Variants in SIPA1L3 observed in about 807,000 individuals in gnomAD.
SIPA1L3 encodes the protein signal induced proliferation associated 1 like 3.
In SIPA1L3, 59 loss-of-function variants were observed where a neutral mutation model predicts 150.1. The observed-to-expected ratio is 0.39, with a 90% confidence interval of 0.32 to 0.49. The LOEUF (loss-of-function observed/expected upper bound fraction) is 0.49. SIPA1L3 is among the 20% of genes least tolerant of loss of function. The probability of loss-of-function intolerance (pLI) is 0.86; values close to 1 mark genes in which losing one functional copy is unlikely to be tolerated. For synonymous variants in SIPA1L3, 1,070 were observed against 1,077.6 expected, an observed-to-expected ratio of 0.99 and a Z score of 0.14; for missense variants, 2,211 against 2,489.5, an observed-to-expected ratio of 0.89 and a Z score of 2.38.
At chr19:38,141,580 T>G in intron 11 of SIPA1L3, 145 bp downstream of exon 11, 1 of 874,660 alleles carries the variant, frequency 1.1e-6, no homozygotes, top group Non-Finnish European at 1.7e-6. Context: ...GTCTCCCTTG[T>G]TCCTCCCTCC....
At chr19:38,117,600 C>T (rs1416877330) in intron 8 of SIPA1L3, among the ~76,000 whole-genome samples, 2 of 150,102 alleles carry the variant, frequency 1.3e-5, no homozygotes, top group Admixed American at 1.3e-4. Flanking sequence ...GCCTGAGCTA[C>T]AGAGTGATAC....
intron 9 of SIPA1L3, among the ~76,000 whole-genome samples, chr19:38,123,255 T>G: frequency 6.7e-6 from 1 of 149,232 alleles, no homozygotes; most frequent in East Asian, 2.0e-4. Flanking sequence ...GTTTTGGAGT[T>G]TTTTTTTTGT....
At chr19:37,953,531 CAT>C (rs200616336) in intron 1 of SIPA1L3, among the ~76,000 whole-genome samples, 55 of 105,566 alleles carry the variant, frequency 5.2e-4, no homozygotes, top group Non-Finnish European at 6.8e-4. Context: ...ATGCATTCCT[CAT>C]GTGTGTGTGT....
chr19:38,195,021 A>C (rs1260634716), intron 18 of SIPA1L3, among the ~76,000 whole-genome samples: 1 of 151,878 alleles, frequency 6.6e-6, no homozygotes, highest in African/African-American at 2.4e-5. Context: ...ACTGCACTCC[A>C]GCCTGGGTGA....
intron 1 of SIPA1L3, among the ~76,000 whole-genome samples, chr19:38,005,645 G>A (rs1967922836): frequency 6.6e-6 from 1 of 152,184 alleles, no homozygotes; most frequent in African/African-American, 2.4e-5. Context: ...ATAAAGGCAG[G>A]AACCAAATCT....
At chr19:38,092,798 G>C (rs1425459821) in intron 4 of SIPA1L3, among the ~76,000 whole-genome samples, 2 of 152,106 alleles carry the variant, frequency 1.3e-5, no homozygotes, top group Admixed American at 1.3e-4. Flanking sequence ...GCTTCCCATG[G>C]TGACAAGGTG....
At chr19:38,172,154 G>C (rs1972341566) in intron 15 of SIPA1L3, among the ~76,000 whole-genome samples, 1 of 152,192 alleles carries the variant, frequency 6.6e-6, no homozygotes, top group South Asian at 2.1e-4. Flanking sequence ...AAGCAACTGT[G>C]GATGTGGCAG....
intron 16 of SIPA1L3, among the ~76,000 whole-genome samples, chr19:38,188,635 C>T (rs914199275): frequency 1.3e-5 from 2 of 151,974 alleles, no homozygotes; most frequent in African/African-American, 4.8e-5. Flanking sequence ...AGAAAGTAAG[C>T]CTCTCGGCCA....
Position 37,932,911 on chromosome 19 carries a change from G to A in SIPA1L3, c.-379+25553G>A, listed in dbSNP as rs1168322194. On this transcript the variant is annotated intron_variant, in intron 1 of 21. Coordinates refer to ENST00000222345, the MANE Select transcript of SIPA1L3 (RefSeq NM_015073.3). ...GACATTTCTCCCAAGAGAAGGAATC[G>A]GTGACTCTTTTAGTGAGTTGAGCTC... 4.6e-5 allele frequency among the ~76,000 whole-genome samples: 7 copies of A among 151,996 alleles called. No homozygotes were observed. The South Asian group carries it at 1.2e-3, about 27-fold the overall frequency.
chr19:37,913,417 T>C (rs2046391674), intron 1 of SIPA1L3, among the ~76,000 whole-genome samples: 1 of 152,162 alleles, frequency 6.6e-6, no homozygotes, highest in African/African-American at 2.4e-5. Context: ...CATTTCACTT[T>C]GTGTTTTTGA....
At chr19:37,991,567 T>C (rs1165217147) in intron 1 of SIPA1L3, among the ~76,000 whole-genome samples, 3 of 152,238 alleles carry the variant, frequency 2.0e-5, no homozygotes, top group Non-Finnish European at 4.4e-5. Flanking sequence ...AGCCCTGGGC[T>C]GGCTTATGTA....
intron 16 of SIPA1L3, among the ~76,000 whole-genome samples, chr19:38,188,040 T>G (rs1467990437): frequency 6.6e-6 from 1 of 152,126 alleles, no homozygotes; most frequent in Non-Finnish European, 1.5e-5. Context: ...TTAGAATTAT[T>G]ATTTTTGTTC....
intron 13 of SIPA1L3, among the ~76,000 whole-genome samples, chr19:38,159,135 C>T (rs1972017303): frequency 6.6e-6 from 1 of 152,226 alleles, no homozygotes; most frequent in Non-Finnish European, 1.5e-5. Context: ...AGGCCAGCCT[C>T]CCCACTTTCT....
In SIPA1L3 at chr19:38,182,543, C is replaced by T. The variant is rs148570377; in HGVS notation, c.4233C>T (p.Tyr1411=). The T allele has an allele frequency of 1.2e-4, 197 of 1,612,342 alleles. 3 individuals carry two copies. Among genetic ancestry groups the T allele is most frequent in the Non-Finnish European group, 1.3e-4 (153 of 1,179,084 alleles). The part of the protein sequence containing the change: ...QPSDMGSRVG[Y]PAQVYKTASA... ...GTGACATGGGCTCGAGGGTTGGCTA[C>T]CCCGCTCAGGTTTACAAAACTGCCA... Residue 1411 remains tyrosine, a synonymous_variant, in exon 16 of 22, where the codon TAC becomes TAT. Coordinates refer to ENST00000222345, the MANE Select transcript of SIPA1L3 (RefSeq NM_015073.3).
intron 18 of SIPA1L3, among the ~76,000 whole-genome samples, chr19:38,195,008 G>A (rs1213056112): frequency 6.6e-6 from 1 of 151,734 alleles, no homozygotes; most frequent in East Asian, 1.9e-4. Flanking sequence ...CTGAGATCAA[G>A]CCACTGCACT....
intron 1 of SIPA1L3, among the ~76,000 whole-genome samples, chr19:37,991,162 G>A (rs1253686950): frequency 2.0e-5 from 3 of 152,158 alleles, no homozygotes; most frequent in Non-Finnish European, 4.4e-5. Context: ...AACCTGGGAG[G>A]CAGAGGTTGC....
chr19:38,130,441 T>A, intron 9 of SIPA1L3, 57 bp from the exon 10 acceptor site: 1 of 1,554,498 alleles, frequency 6.4e-7, no homozygotes, highest in East Asian at 2.3e-5. Flanking sequence ...ACCAGGGGTC[T>A]TCCAGAGGAG....
Position 38,106,552 on chromosome 19 carries a change from C to T in SIPA1L3, c.2045C>T (p.Thr682Ile), listed in dbSNP as rs1452713454. 1.2e-6 allele frequency: 2 copies of T among 1,613,390 alleles called. No homozygotes were observed. The highest frequency in any genetic ancestry group is 3.3e-5 in the Admixed American group (2 of 60,002). Reference sequence around the variant, plus strand: ...TCTGTTTCAGCCGACTCCACGGGAACCCACTCCCTCTACACGATGTACCAG... The same window carrying T: ...TCTGTTTCAGCCGACTCCACGGGAATCCACTCCCTCTACACGATGTACCAG... ...QLDVKTDSTG[T>I]HSLYTMYQDY... is the part of the protein sequence containing the mutation. The change falls in exon 7 of 22, where the codon ACC (threonine) becomes ATC (isoleucine). Residue 682 changes from threonine to isoleucine, a missense_variant. By Grantham distance (89) the Thr-to-Ile change is moderately conservative. This residue lies in a region of SIPA1L3 where 625 missense variants were observed against 804.2 expected (regional missense o/e 0.78). Coordinates refer to ENST00000222345, the MANE Select transcript of SIPA1L3 (RefSeq NM_015073.3).
At chr19:38,141,869 C>G (rs967983267) in intron 11 of SIPA1L3, among the ~76,000 whole-genome samples, 3 of 152,198 alleles carry the variant, frequency 2.0e-5, no homozygotes, top group Non-Finnish European at 4.4e-5. Context: ...GTGGTCCCAG[C>G]TGCCCAAGAG....
Sources: gnomAD v4.1 joint callset for allele counts (sites outside exome capture counted in the v4.1 genomes callset) on GRCh38, gnomAD v4.1.1 for gene constraint, gnomAD v4.1.1 regional missense constraint, MANE v1.5 for transcripts, NCBI Gene and HGNC (gene_info 2026-07-23, HGNC 2026-07-21) for gene names.